NFASC: variants seen among roughly 807,000 people sequenced by gnomAD.
NFASC encodes neurofascin.
Under a neutral mutation model 147.5 loss-of-function variants are expected in NFASC, and 43 were observed. That is an observed-to-expected ratio of 0.29 (90% CI 0.23 to 0.38). The LOEUF is 0.38. Ranked by LOEUF, NFASC falls within the 10% of genes least tolerant of loss-of-function variation. NFASC has a pLI of 1.00. For synonymous variants in NFASC, 622 were observed against 665.5 expected (o/e 0.93, Z 1.01); for missense variants, 1,320 against 1,689.0 (o/e 0.78, Z 3.83).
Position 204,968,814 on chromosome 1 carries a change from G to A in NFASC, c.835G>A (p.Ala279Thr), listed in dbSNP as rs762534137. The change falls in exon 10 of 30, where the codon GCA becomes ACA. Residue 279 changes from alanine to threonine, a missense_variant. Ala to Thr is a moderately conservative substitution (Grantham distance 58). Transcript: ENST00000339876. The surrounding 1 kb of genome is among the most constrained non-coding windows in gnomAD (Gnocchi z 5.4). Reference sequence around the variant, plus strand: ...CTCTCCTAGCCCAACACCAGACATCGCATGGTACAAGAAAGGTGGGGACCT... The same window carrying A: ...CTCTCCTAGCCCAACACCAGACATCACATGGTACAAGAAAGGTGGGGACCT... The part of the protein sequence containing the change: ...IASGVPTPDI[A>T]WYKKGGDLPS... The A allele has an allele frequency of 1.3e-5, 21 of 1,613,112 alleles. No homozygotes were observed. In the East Asian group the frequency reaches 2.7e-4, roughly 21 times the overall value.
chr1:204,871,200 T>C, intron 1 of NFASC: 1 of 902,316 alleles, frequency 1.1e-6, no homozygotes, highest in South Asian at 1.5e-5. Flanking sequence ...GCTAAGACTG[T>C]GGTTGTGCAC....
At chr1:204,995,951 A>G (rs895651526) in intron 24 of NFASC, among the ~76,000 whole-genome samples, 3 of 152,064 alleles carry the variant, frequency 2.0e-5, no homozygotes, top group Admixed American at 6.5e-5. Context: ...CTACTGCCCC[A>G]TTAGCGTCAA....
intron 1 of NFASC, among the ~76,000 whole-genome samples, chr1:204,913,573 T>C (rs917313305): frequency 6.6e-6 from 1 of 152,136 alleles, no homozygotes; most frequent in African/African-American, 2.4e-5. Flanking sequence ...AAAAGGTAAA[T>C]TTTTAAATAA....
chr1:204,861,284 T>C (rs930735703), intron 1 of NFASC, among the ~76,000 whole-genome samples: 8 of 151,962 alleles, frequency 5.3e-5, no homozygotes, highest in African/African-American at 1.7e-4. Context: ...AGATGAGGTT[T>C]CTCCATGTTG....
At chr1:204,935,924 G>A (rs976742186) in intron 2 of NFASC, among the ~76,000 whole-genome samples, 2 of 152,148 alleles carry the variant, frequency 1.3e-5, no homozygotes, top group African/African-American at 4.8e-5. Context: ...CTATCTTTAT[G>A]TCAGTCACTC....
At chr1:204,913,336 G>A (rs1286827938) in intron 1 of NFASC, among the ~76,000 whole-genome samples, 1 of 152,078 alleles carries the variant, frequency 6.6e-6, no homozygotes, top group Non-Finnish European at 1.5e-5. Context: ...GAAAGAAAAA[G>A]TCTGATTCTA....
intron 21 of NFASC, chr1:204,985,840 TACC>T: frequency 5.1e-6 from 5 of 983,828 alleles, no homozygotes; most frequent in Non-Finnish European, 7.9e-6. Context: ...GACCGGTCAC[TACC>T]ACCACCACTA....
At chr1:204,951,180 G>A (rs1415864939) in intron 4 of NFASC, among the ~76,000 whole-genome samples, 3 of 135,210 alleles carry the variant, frequency 2.2e-5, no homozygotes, top group Non-Finnish European at 4.7e-5. Flanking sequence ...ATGGAGTCTC[G>A]CTCTATCGCC....
intron 1 of NFASC, among the ~76,000 whole-genome samples, chr1:204,915,416 A>G (rs1322180898): frequency 6.6e-6 from 1 of 152,254 alleles, no homozygotes; most frequent in Non-Finnish European, 1.5e-5. Context: ...TTTTAAAAAT[A>G]CATGTATATG....
intron 1 of NFASC, among the ~76,000 whole-genome samples, chr1:204,842,289 A>T (rs1425018900): frequency 2.6e-5 from 4 of 152,124 alleles, no homozygotes; most frequent in Non-Finnish European, 5.9e-5. Flanking sequence ...ATTTCCTGAA[A>T]TTCTTCAGGG....
chr1:204,937,284 G>C (rs540058709), intron 2 of NFASC, among the ~76,000 whole-genome samples: 3 of 152,094 alleles, frequency 2.0e-5, no homozygotes, highest in East Asian at 3.9e-4. Flanking sequence ...CGTTACAGTC[G>C]ATGAACCTAC....
At chr1:204,943,751 T>A (rs1000744393) in intron 2 of NFASC, among the ~76,000 whole-genome samples, 2 of 152,218 alleles carry the variant, frequency 1.3e-5, no homozygotes, top group African/African-American at 4.8e-5. Flanking sequence ...TCAGCACATG[T>A]GGTTCAGAGA....
intron 12 of NFASC, among the ~76,000 whole-genome samples, 164 bp from the exon 13 acceptor site, chr1:204,974,015 A>G (rs2095336204): frequency 6.6e-6 from 1 of 152,072 alleles, no homozygotes; most frequent in South Asian, 2.1e-4. Flanking sequence ...CTCCTTCCCC[A>G]CCTAATCCTT....
chr1:204,926,508 G>A (rs1456753671), intron 2 of NFASC, among the ~76,000 whole-genome samples: 2 of 146,016 alleles, frequency 1.4e-5, no homozygotes, highest in African/African-American at 5.1e-5. Context: ...CAACTTCCTG[G>A]GCTCAAGTGA....
intron 1 of NFASC, among the ~76,000 whole-genome samples, chr1:204,843,587 TCTTCCTTCCTTCCTTCCTTC>T (rs141939311): frequency 2.5e-5 from 3 of 120,502 alleles, no homozygotes; most frequent in South Asian, 2.9e-4. Context: ...CTTCTTTCCT[TCTTCCTTCCTTCCTTCCTTC>T]CTTCCTTCCT....
chr1:204,872,267 G>A (rs766867891), intron 1 of NFASC, among the ~76,000 whole-genome samples: 7 of 152,190 alleles, frequency 4.6e-5, no homozygotes, highest in Non-Finnish European at 8.8e-5. Flanking sequence ...TGAGCATCAC[G>A]CATCCCAGGC....
At chr1:204,895,483 A>G (rs1212181639) in intron 1 of NFASC, among the ~76,000 whole-genome samples, 2 of 152,198 alleles carry the variant, frequency 1.3e-5, no homozygotes. Flanking sequence ...CTACTGCCTA[A>G]TAGAGGATGT....
chr1:204,986,158 T>C lies in NFASC; in HGVS notation c.2471-1260T>C, dbSNP rs1212594779. The C allele has an allele frequency of 1.0e-5, 15 of 1,447,506 alleles. No individual in the cohort carries two copies. The allele number at this position is 1,447,506 out of a possible 1,614,324, so 89.7% of individuals were successfully genotyped here. A position where few individuals can be genotyped will look rare whatever the true frequency, so the allele number is the denominator to read the frequency against. On this transcript the variant is annotated intron_variant, in intron 21 of 29. Coordinates refer to ENST00000339876, the MANE Select transcript of NFASC (RefSeq NM_001005388.3). The surrounding 1 kb of genome is among the most constrained non-coding windows in gnomAD (Gnocchi z 4.2). ...TCTTCAGGGTGGGGCAGGAGAAGGG[T>C]GGCACACACCTTGGGCCTGGAGAAA...
chr1:204,986,108 G>A lies in NFASC; in HGVS notation c.2471-1310G>A. The A allele has an allele frequency of 6.2e-7, 1 of 1,613,136 alleles. No homozygotes were observed. Among genetic ancestry groups the A allele is most frequent in the East Asian group, 2.2e-5 (1 of 44,880 alleles). ...TGAGACCAAGGAGTTCACCACCCCG[G>A]AAGGAGGTAGGTCTGGCCTGCAGCT... On this transcript the variant is annotated intron_variant, in intron 21 of 29. Transcript: ENST00000339876. This position sits in a 1 kb window ranked among gnomAD's most constrained non-coding sequence, Gnocchi z 4.2.
Sources: gnomAD v4.1 joint callset for allele counts (sites outside exome capture counted in the v4.1 genomes callset) on GRCh38, gnomAD v4.1.1 for gene constraint, Gnocchi (gnomAD v3.1) non-coding constraint, MANE v1.5 for transcripts, NCBI Gene and HGNC (gene_info 2026-07-23, HGNC 2026-07-21) for gene names.